ST6GALNAC3: variants seen among roughly 807,000 people sequenced by gnomAD.
ST6GALNAC3 encodes the protein alpha-N-acetylgalactosaminide alpha-2,6-sialyltransferase 3.
ST6GALNAC3 carries 25 observed loss-of-function variants against 32.7 expected under a neutral mutation model. That is an observed-to-expected ratio of 0.76 (90% CI 0.56 to 1.07). The LOEUF is 1.07. Ranked by LOEUF, ST6GALNAC3 falls within the 50% of genes least tolerant of loss-of-function variation. The pLI, the probability that ST6GALNAC3 is intolerant of heterozygous loss-of-function variation, is 0.00. For synonymous variants in ST6GALNAC3, 129 were observed against 133.1 expected, an observed-to-expected ratio of 0.97 and a Z score of 0.21; for missense variants, 355 against 382.4, an observed-to-expected ratio of 0.93 and a Z score of 0.60.
chr1:76,199,160 T>C (rs1031818393), intron 1 of ST6GALNAC3, among the ~76,000 whole-genome samples: 3 of 152,224 alleles, frequency 2.0e-5, no homozygotes, highest in Non-Finnish European at 2.9e-5. Flanking sequence ...TCTGAAACGA[T>C]TGGATCCTCC....
chr1:76,158,955 C>T (rs971691404), intron 1 of ST6GALNAC3, among the ~76,000 whole-genome samples: 1 of 152,164 alleles, frequency 6.6e-6, no homozygotes, highest in East Asian at 1.9e-4. Context: ...CCAGGATCCC[C>T]ACTCAGGCCC....
At chr1:76,510,201 A>G (rs1483114030) in intron 3 of ST6GALNAC3, among the ~76,000 whole-genome samples, 1 of 152,180 alleles carries the variant, frequency 6.6e-6, no homozygotes, top group Non-Finnish European at 1.5e-5. Flanking sequence ...ATTAATAGGT[A>G]GGACATGATT....
intron 3 of ST6GALNAC3, among the ~76,000 whole-genome samples, chr1:76,538,829 C>G (rs1010563466): frequency 1.3e-5 from 2 of 152,016 alleles, no homozygotes; most frequent in African/African-American, 4.8e-5. Context: ...AGGACCTCAT[C>G]AAGGAGAACT....
intron 1 of ST6GALNAC3, among the ~76,000 whole-genome samples, chr1:76,098,492 T>C (rs1354468021): frequency 6.6e-6 from 1 of 152,188 alleles, no homozygotes; most frequent in Non-Finnish European, 1.5e-5. Flanking sequence ...GGTATCTCTT[T>C]GTGGTTTTAA....
chr1:76,215,894 C>T (rs2100588226), intron 1 of ST6GALNAC3, among the ~76,000 whole-genome samples: 1 of 152,242 alleles, frequency 6.6e-6, no homozygotes, highest in East Asian at 1.9e-4. Context: ...TACTACAGTG[C>T]TTTCTAGAGA....
At chr1:76,598,089 A>C (rs1399038178) in intron 3 of ST6GALNAC3, among the ~76,000 whole-genome samples, 5 of 152,116 alleles carry the variant, frequency 3.3e-5, no homozygotes, top group Admixed American at 6.6e-5. Context: ...TTCTTAGTTC[A>C]CAGACAGCAT....
intron 3 of ST6GALNAC3, among the ~76,000 whole-genome samples, chr1:76,593,744 A>G (rs1339475791): frequency 2.0e-5 from 3 of 152,180 alleles, no homozygotes; most frequent in Non-Finnish European, 4.4e-5. Context: ...TACTTGTTGG[A>G]AAATCAAAGA....
At chr1:76,576,196 G>A (rs577380664) in intron 3 of ST6GALNAC3, among the ~76,000 whole-genome samples, 31 of 152,080 alleles carry the variant, frequency 2.0e-4, no homozygotes, top group African/African-American at 7.5e-4. Flanking sequence ...AAAACAGGAT[G>A]ATTAGTTATT....
chr1:76,162,219 G>T (rs1651855627), intron 1 of ST6GALNAC3, among the ~76,000 whole-genome samples: 1 of 152,206 alleles, frequency 6.6e-6, no homozygotes, highest in South Asian at 2.1e-4. Context: ...GGGTTATTGT[G>T]AGAATAAATA....
At chr1:76,365,127 G>A (rs934348540) in intron 2 of ST6GALNAC3, among the ~76,000 whole-genome samples, 6 of 152,206 alleles carry the variant, frequency 3.9e-5, no homozygotes, top group Admixed American at 3.3e-4. Context: ...TATATACCAT[G>A]GAATACTACG....
At chr1:76,252,470 G>C (rs1370802869) in intron 1 of ST6GALNAC3, among the ~76,000 whole-genome samples, 1 of 152,082 alleles carries the variant, frequency 6.6e-6, no homozygotes, top group African/African-American at 2.4e-5. Context: ...AAAAAAGTGT[G>C]TATCTGTTAT....
chr1:76,287,329 G>A lies in ST6GALNAC3; in HGVS notation c.19-26476G>A, dbSNP rs568991487. 2.6e-5 allele frequency among the ~76,000 whole-genome samples: 4 copies of A among 151,704 alleles called. No homozygotes were observed. The East Asian group carries it at 7.7e-4, about 29-fold the overall frequency. ...AATTTGTTTAGCTAAGAGAATAAGA[G>A]CAGTTGAAGTTATTTTTAAGTTTGC... On this transcript the variant is annotated intron_variant, in intron 1 of 4. Transcript: ENST00000328299.
chr1:76,117,649 A>G (rs1001633704), intron 1 of ST6GALNAC3, among the ~76,000 whole-genome samples: 2 of 152,232 alleles, frequency 1.3e-5, no homozygotes, highest in African/African-American at 4.8e-5. Flanking sequence ...GTCCTTGCCA[A>G]CCACTGCTGA....
chr1:76,540,564 A>T (rs1346359798), intron 3 of ST6GALNAC3, among the ~76,000 whole-genome samples: 1 of 152,182 alleles, frequency 6.6e-6, no homozygotes, highest in Non-Finnish European at 1.5e-5. Context: ...CTATTAAGAT[A>T]AAAATGGGCT....
chr1:76,087,880 G>A (rs1020266899), intron 1 of ST6GALNAC3, among the ~76,000 whole-genome samples: 2 of 152,106 alleles, frequency 1.3e-5, no homozygotes, highest in Non-Finnish European at 2.9e-5. Flanking sequence ...TATATGATAG[G>A]CACTGTATTT....
intron 1 of ST6GALNAC3, among the ~76,000 whole-genome samples, chr1:76,076,638 C>A (rs1646819847): frequency 6.6e-6 from 1 of 152,160 alleles, no homozygotes; most frequent in African/African-American, 2.4e-5. Flanking sequence ...TAATATGTGC[C>A]ATTTTTTTCC....
At chr1:76,334,197 G>A (rs893662715) in intron 2 of ST6GALNAC3, among the ~76,000 whole-genome samples, 1 of 152,044 alleles carries the variant, frequency 6.6e-6, no homozygotes, top group Non-Finnish European at 1.5e-5. Flanking sequence ...TAGTGTTCTG[G>A]CACTGGCCAA....
chr1:76,378,681 T>A (rs1450544770), intron 2 of ST6GALNAC3, among the ~76,000 whole-genome samples: 1 of 148,858 alleles, frequency 6.7e-6, no homozygotes, highest in Non-Finnish European at 1.5e-5. Context: ...AAAAAAAAAT[T>A]AAAAATTTGC....
intron 1 of ST6GALNAC3, among the ~76,000 whole-genome samples, chr1:76,234,791 A>T: frequency 6.6e-6 from 1 of 152,220 alleles, no homozygotes; most frequent in Non-Finnish European, 1.5e-5. Flanking sequence ...ATTTATCAGG[A>T]ATGAGTGGAT....
Sources: gnomAD v4.1 joint callset for allele counts (sites outside exome capture counted in the v4.1 genomes callset) on GRCh38, gnomAD v4.1.1 for gene constraint, MANE v1.5 for transcripts, NCBI Gene and HGNC (gene_info 2026-07-23, HGNC 2026-07-21) for gene names.